The following CIITA variants were observed in gnomAD, a reference collection of about 807,000 sequenced individuals.
The protein encoded by CIITA is MHC class II transactivator.
A neutral mutation model predicts 115.1 loss-of-function variants in CIITA; 72 were observed. The observed-to-expected ratio is 0.63, with a 90% CI of 0.52 to 0.76. The LOEUF is 0.76. Among genes scored for constraint, CIITA ranks in the 30% least tolerant of loss-of-function variants. The probability of loss-of-function intolerance (pLI) is 0.00; values close to 1 mark genes in which losing one functional copy is unlikely to be tolerated. For synonymous variants in CIITA, 763 were observed against 635.6 expected (o/e 1.20, Z -3.02); for missense variants, 1,617 against 1,463.8 (o/e 1.10, Z -1.71).
chr16:10,902,023 C>G lies in CIITA; in HGVS notation c.482-15C>G, dbSNP rs1567405213. On this transcript the variant is annotated splice_polypyrimidine_tract_variant and intron_variant, in intron 6 of 19. Coordinates refer to ENST00000324288, the MANE Select transcript of CIITA (RefSeq NM_000246.4). ...TCCAAGCACCCAGTCTCTAACACAG[C>G]CCACTTCCTCACAGCTGAGCCCCCC... 6.2e-7 allele frequency: 1 copy of G among 1,613,792 alleles called. No homozygotes were observed. Among genetic ancestry groups the G allele is most frequent in the Non-Finnish European group, 8.5e-7 (1 of 1,179,982 alleles).
chr16:10,895,912 A>G, intron 3 of CIITA, 148 bp downstream of exon 3: 1 of 819,610 alleles, frequency 1.2e-6, no homozygotes, highest in African/African-American at 1.7e-5. Flanking sequence ...GGCTGGAGGA[A>G]CGGAGACTCC....
At chr16:10,887,571 C>G (rs1443853343) in intron 1 of CIITA, among the ~76,000 whole-genome samples, 1 of 151,756 alleles carries the variant, frequency 6.6e-6, no homozygotes, top group Admixed American at 6.6e-5. Context: ...TCTCGGCTCA[C>G]TGCAACCTCC....
At chr16:10,890,652 T>C (rs2037470950) in intron 1 of CIITA, among the ~76,000 whole-genome samples, 1 of 152,116 alleles carries the variant, frequency 6.6e-6, no homozygotes, top group Admixed American at 6.5e-5. Context: ...AACAGAAAGC[T>C]CGGCTTCACA....
chr16:10,898,855 G>A (rs528479832), intron 4 of CIITA, 70 bp from the exon 5 acceptor site: 17 of 1,602,224 alleles, frequency 1.1e-5, no homozygotes, highest in East Asian at 9.0e-5. Flanking sequence ...TCCCCAAGGT[G>A]GGTACAATAG....
chr16:10,914,611 G>A (rs1230118322), intron 13 of CIITA, among the ~76,000 whole-genome samples: 10 of 152,066 alleles, frequency 6.6e-5, no homozygotes, highest in Non-Finnish European at 2.9e-5. Context: ...AAACTAAACG[G>A]CCCTTCGTTG....
At chr16:10,916,230 T>C in intron 14 of CIITA, 137 bp from the exon 15 acceptor site, 1 of 780,162 alleles carries the variant, frequency 1.3e-6, no homozygotes, top group Non-Finnish European at 2.2e-6. Context: ...CTCAGGAATG[T>C]GCCGGCTGCC....
rs768095722 is a variant in CIITA at position 10,907,162 on chromosome 16, T to C, written c.1670T>C (p.Leu557Pro). 1 of 1,612,856 alleles carries C rather than the reference T, an allele frequency of 6.2e-7. No homozygotes were observed. Among genetic ancestry groups the C allele is most frequent in the Non-Finnish European group, 8.5e-7 (1 of 1,179,782 alleles). Residue 557 changes from leucine to proline, a missense_variant, in exon 11 of 20, where the codon CTG becomes CCG. Physicochemically the swap from Leu to Pro is moderately conservative, Grantham distance 98 (BLOSUM62 -3). Coordinates refer to ENST00000324288, the MANE Select transcript of CIITA (RefSeq NM_000246.4). This position sits in a 1 kb window ranked among gnomAD's most constrained non-coding sequence, Gnocchi z 5.0. Reference protein sequence around the residue: ...ARPRGRLVQSLSKADALFELS... With the variant: ...ARPRGRLVQSPSKADALFELS... ...CCCCGGGGCCGCCTGGTCCAGAGCC[T>C]GAGCAAGGCCGACGCCCTATTTGAG... is the stretch of plus-strand genomic sequence containing the variant.
At position 10,925,682 on chromosome 16, in the gene CIITA, G is replaced by A. The variant is rs1179820193; in HGVS notation, c.*1827G>A. On this transcript the variant is annotated 3_prime_UTR_variant, in exon 20 of 20. Transcript: ENST00000324288. ...CCTACCCACCCTCCTTTCACCACAT[G>A]TGCACATGCACGTGTGTGCACGTAC... 1 of 152,330 alleles carries A rather than the reference G, an allele frequency of 6.6e-6. No individual in the cohort carries two copies. Among genetic ancestry groups the A allele is most frequent in the Middle Eastern group, 3.1e-3 (1 of 318 alleles). 9.4% of individuals were successfully genotyped at this position (152,330 alleles called of 1,614,324 possible). A position where few individuals can be genotyped will look rare whatever the true frequency, so the allele number is the denominator to read the frequency against.
chr16:10,912,747 G>A (rs1435812661), intron 13 of CIITA, among the ~76,000 whole-genome samples: 1 of 152,184 alleles, frequency 6.6e-6, no homozygotes, highest in Non-Finnish European at 1.5e-5. Flanking sequence ...AGCTGAAAAA[G>A]CCCCTAGTTC....
rs371967455 is a variant in CIITA, at chr16:10,907,382, C to T, written c.1890C>T (p.Asp630=). ...AGGCCCTGCTGGAGCTTGGGGAGGA[C>T]GCCAAGCTGCCCTCCACGCTCACGG... ...LSEALLELGE[D]AKLPSTLTGL... Residue 630 remains aspartate, a synonymous_variant, in exon 11 of 20, where the codon GAC becomes GAT. Coordinates refer to ENST00000324288, the MANE Select transcript of CIITA (RefSeq NM_000246.4). This position sits in a 1 kb window ranked among gnomAD's most constrained non-coding sequence, Gnocchi z 5.0. 1.4e-5 allele frequency: 22 copies of T among 1,613,264 alleles called. No homozygotes were observed. The highest frequency in any genetic ancestry group is 5.3e-5 in the African/African-American group (4 of 74,900).
chr16:10,917,065 G>C (rs969802910), intron 15 of CIITA: 1 of 225,680 alleles, frequency 4.4e-6, no homozygotes, highest in South Asian at 1.7e-4. Context: ...AAATAGGAGA[G>C]ATAGATTAGG....
chr16:10,901,706 C>A lies in CIITA; in HGVS notation c.481+148C>A. On this transcript the variant is annotated intron_variant, in intron 6 of 19. Transcript: ENST00000324288. This position sits in a 1 kb window ranked among gnomAD's most constrained non-coding sequence, Gnocchi z 6.8. Reference sequence around the variant, plus strand: ...GGGTAGAGGCTGAGAGCTTGGGGTCCCTTAGAGTCCTCTAAGGGGCTCACG... The same window carrying A: ...GGGTAGAGGCTGAGAGCTTGGGGTCACTTAGAGTCCTCTAAGGGGCTCACG... 1.2e-6 allele frequency: 1 copy of A among 852,558 alleles called. No individual in the cohort carries two copies. Among genetic ancestry groups the A allele is most frequent in the Non-Finnish European group, 1.9e-6 (1 of 528,806 alleles). 52.8% of individuals were successfully genotyped at this position (852,558 alleles called of 1,614,324 possible). A position where few individuals can be genotyped will look rare whatever the true frequency, so the allele number is the denominator to read the frequency against.
intron 1 of CIITA, among the ~76,000 whole-genome samples, chr16:10,878,105 C>T (rs2036019717): frequency 6.6e-6 from 1 of 151,996 alleles, no homozygotes; most frequent in Non-Finnish European, 1.5e-5. Flanking sequence ...AGCACAGTGT[C>T]CAATATTTTA....
intron 2 of CIITA, 72 bp downstream of exon 2, chr16:10,895,500 G>A: frequency 6.2e-7 from 1 of 1,602,458 alleles, no homozygotes; most frequent in Non-Finnish European, 8.5e-7. Flanking sequence ...GGCAATCAGG[G>A]GAAATTCTGG....
At chr16:10,888,333 G>A (rs1305458369) in intron 1 of CIITA, 1 of 152,220 alleles carries the variant, frequency 6.6e-6, no homozygotes, top group Non-Finnish European at 1.5e-5. Flanking sequence ...TAGTGCGTTG[G>A]TAGGTAGGGA....
intron 14 of CIITA, among the ~76,000 whole-genome samples, chr16:10,915,883 T>C (rs1332409497): frequency 6.6e-6 from 1 of 152,186 alleles, no homozygotes; most frequent in Admixed American, 6.5e-5. Context: ...TCCCTTTTTT[T>C]CTCTCTTCCG....
upstream of CIITA, among the ~76,000 whole-genome samples, chr16:10,872,574 A>G (rs184673541): frequency 1.4e-4 from 21 of 152,346 alleles, no homozygotes; most frequent in East Asian, 2.1e-3. Flanking sequence ...ATGTATTTAC[A>G]TGTCAAAGTA....
rs780621242 is a variant in CIITA at position 10,908,090 on chromosome 16, T to A, written c.2598T>A (p.Thr866=). ...ACTTCTCCCTGGACCTCCGCAGCACTGGCATTTGCCCCTCTGGATTGGGGA... is the reference window on the plus strand; with the variant it reads ...ACTTCTCCCTGGACCTCCGCAGCACAGGCATTTGCCCCTCTGGATTGGGGA... ...GQDFSLDLRS[T]GICPSGLGSL... is the part of the protein sequence containing the mutation. The change falls in exon 11 of 20, where the codon ACT becomes ACA. Residue 866 remains threonine (T), a synonymous_variant. Transcript: ENST00000324288. 6.2e-7 allele frequency: 1 copy of A among 1,606,568 alleles called. No homozygotes were observed. Among genetic ancestry groups the A allele is most frequent in the Non-Finnish European group, 8.5e-7 (1 of 1,176,548 alleles).
rs1037567545 is a variant in CIITA, at chr16:10,922,148, T to G, written c.3150-19T>G. 1 of 1,612,324 alleles carries G rather than the reference T, an allele frequency of 6.2e-7. No individual in the cohort carries two copies. The highest frequency in any genetic ancestry group is 2.2e-5 in the East Asian group (1 of 44,874). On this transcript the variant is annotated intron_variant, in intron 16 of 19. Coordinates refer to ENST00000324288, the MANE Select transcript of CIITA (RefSeq NM_000246.4). ...TGCACAGGCCTCCAATCCCTCCCCC[T>G]GGCCTCTGTTTCCGACAGCTTGTAC... is the stretch of plus-strand genomic sequence containing the variant.
Sources: allele counts gnomAD v4.1 joint callset (sites outside exome capture counted in the v4.1 genomes callset), GRCh38; gene constraint gnomAD v4.1.1; non-coding constraint Gnocchi (gnomAD v3.1); transcripts MANE v1.5; gene names NCBI Gene and HGNC (gene_info 2026-07-23, HGNC 2026-07-21).